Variants in F13A1 observed in about 807,000 individuals in gnomAD.
F13A1 encodes FSF, A subunit.
Under a neutral mutation model 80.1 loss-of-function variants are expected in F13A1, and 47 were observed. The ratio of observed to expected loss-of-function variants is 0.59; its 90% confidence interval spans 0.46 to 0.75. F13A1 has a LOEUF of 0.75. Ranked by LOEUF, F13A1 falls within the 30% of genes least tolerant of loss-of-function variation. The probability of loss-of-function intolerance (pLI) is 0.00; values close to 1 mark genes in which losing one functional copy is unlikely to be tolerated. For missense variants in F13A1, 817 were observed against 930.4 expected, an observed-to-expected ratio of 0.88 and a Z score of 1.59; for synonymous variants, 349 against 344.9, an observed-to-expected ratio of 1.01 and a Z score of -0.13.
At position 6,162,770 on chromosome 6, in the gene F13A1, G is replaced by A. The variant is rs1760597495; in HGVS notation, c.1908+4688C>T. Reference sequence around the variant, plus strand: ...TTACCATTGCTTTTGACTTACAGATGAGAATGCAGAAGCCAACAGAGGTGA... The same window carrying A: ...TTACCATTGCTTTTGACTTACAGATAAGAATGCAGAAGCCAACAGAGGTGA... On this transcript the variant is annotated intron_variant, in intron 13 of 14. Coordinates refer to ENST00000264870, the MANE Select transcript of F13A1 (RefSeq NM_000129.4). This position sits in a 1 kb window ranked among gnomAD's most constrained non-coding sequence, Gnocchi z 4.2. Among the ~76,000 whole-genome samples, 1 of 152,216 alleles carries A rather than the reference G, an allele frequency of 6.6e-6. No homozygotes were observed. The highest frequency in any genetic ancestry group is 1.5e-5 in the Non-Finnish European group (1 of 68,044).
intron 1 of F13A1, among the ~76,000 whole-genome samples, chr6:6,318,983 C>T (rs1033642076): frequency 6.6e-6 from 1 of 152,152 alleles, no homozygotes; most frequent in South Asian, 2.1e-4. Flanking sequence ...GACCCAGATT[C>T]CCCCACCCTC....
intron 6 of F13A1, among the ~76,000 whole-genome samples, chr6:6,246,020 C>A (rs539846487): frequency 6.6e-6 from 1 of 152,360 alleles, no homozygotes; most frequent in East Asian, 1.9e-4. Context: ...ACACACACAG[C>A]TCTGTCGCCC....
chr6:6,193,223 C>T (rs540501449), intron 10 of F13A1, among the ~76,000 whole-genome samples: 1 of 152,216 alleles, frequency 6.6e-6, no homozygotes, highest in South Asian at 2.1e-4. Context: ...CCAGGCATAC[C>T]CCTCTTCTTT....
In F13A1 at chr6:6,250,721, A is replaced by G; in HGVS notation, c.690+90T>C. On this transcript the variant is annotated intron_variant, in intron 5 of 14. Transcript: ENST00000264870. This position sits in a 1 kb window ranked among gnomAD's most constrained non-coding sequence, Gnocchi z 4.2. ...AAAAGCAGGAAATTGTGCTTGTCTA[A>G]TATCGATATATGGGATCCTGTAGGG... 3.5e-6 allele frequency: 3 copies of G among 868,748 alleles called. No homozygotes were observed. Among genetic ancestry groups the G allele is most frequent in the East Asian group, 2.4e-5 (1 of 40,922 alleles). The allele number at this position is 868,748 out of a possible 1,614,324, so 53.8% of individuals were successfully genotyped here. A position where few individuals can be genotyped will look rare whatever the true frequency, so the allele number is the denominator to read the frequency against.
chr6:6,231,110 T>A (rs1757346836), intron 6 of F13A1, among the ~76,000 whole-genome samples: 1 of 152,138 alleles, frequency 6.6e-6, no homozygotes, highest in Non-Finnish European at 1.5e-5. Flanking sequence ...TTAAGGAGGT[T>A]AGTTATTAAG....
At chr6:6,164,664 C>T (rs766702488) in intron 13 of F13A1, among the ~76,000 whole-genome samples, 1 of 148,252 alleles carries the variant, frequency 6.7e-6, no homozygotes, top group African/African-American at 2.5e-5. Flanking sequence ...CCCCCATTCT[C>T]GCTCCTTTTT....
chr6:6,242,341 A>G (rs1757494061), intron 6 of F13A1, among the ~76,000 whole-genome samples: 1 of 152,162 alleles, frequency 6.6e-6, no homozygotes, highest in Non-Finnish European at 1.5e-5. Context: ...AAGTTTAGTC[A>G]TGAGTTAGTT....
At chr6:6,223,240 G>A (rs1307406777) in intron 7 of F13A1, among the ~76,000 whole-genome samples, 4 of 152,116 alleles carry the variant, frequency 2.6e-5, no homozygotes, top group East Asian at 1.9e-4. Flanking sequence ...TTGATTTACC[G>A]CCAAAGCCTG....
intron 5 of F13A1, among the ~76,000 whole-genome samples, chr6:6,248,754 CAAG>C (rs1333579360): frequency 2.0e-5 from 3 of 152,156 alleles, no homozygotes; most frequent in Admixed American, 2.0e-4. Flanking sequence ...CTCCTGTACC[CAAG>C]AAGAAGGAAT....
chr6:6,242,503 A>T (rs1404345580), intron 6 of F13A1, among the ~76,000 whole-genome samples: 1 of 152,194 alleles, frequency 6.6e-6, no homozygotes, highest in East Asian at 1.9e-4. Flanking sequence ...ACTGAAATTT[A>T]AAAATATGTA....
intron 2 of F13A1, among the ~76,000 whole-genome samples, chr6:6,309,555 G>A (rs1758561971): frequency 6.6e-6 from 1 of 152,174 alleles, no homozygotes; most frequent in Non-Finnish European, 1.5e-5. Flanking sequence ...TGTACTAGTG[G>A]GAGCCACGGT....
chr6:6,300,779 T>G (rs529391913), intron 3 of F13A1, among the ~76,000 whole-genome samples: 4 of 152,190 alleles, frequency 2.6e-5, no homozygotes, highest in Admixed American at 2.6e-4. Context: ...CGAGATTCTT[T>G]TAAGTGCCCT....
At chr6:6,269,178 T>C (rs1218883871) in intron 3 of F13A1, among the ~76,000 whole-genome samples, 1 of 152,224 alleles carries the variant, frequency 6.6e-6, no homozygotes, top group African/African-American at 2.4e-5. Flanking sequence ...CTAACACTTC[T>C]GTGTGATCTC....
intron 10 of F13A1, among the ~76,000 whole-genome samples, chr6:6,191,252 C>T (rs978426096): frequency 2.0e-4 from 30 of 152,074 alleles, no homozygotes; most frequent in African/African-American, 5.1e-4. Context: ...CTCCTCCCTC[C>T]GAGTTACTGA....
At chr6:6,252,299 G>A (rs1195625864) in intron 4 of F13A1, among the ~76,000 whole-genome samples, 1 of 109,510 alleles carries the variant, frequency 9.1e-6, no homozygotes, top group Non-Finnish European at 1.8e-5. Context: ...TAGACATTGG[G>A]AAAATTAAAG....
intron 10 of F13A1, among the ~76,000 whole-genome samples, chr6:6,190,685 G>T (rs1405703585): frequency 1.6e-4 from 25 of 151,752 alleles, no homozygotes; most frequent in African/African-American, 6.0e-4. Context: ...TTGTTTGTCT[G>T]TGCCCTGCCC....
At chr6:6,281,067 C>T (rs1758053955) in intron 3 of F13A1, among the ~76,000 whole-genome samples, 5 of 152,126 alleles carry the variant, frequency 3.3e-5, no homozygotes, top group Admixed American at 1.3e-4. Context: ...CCCATGAAAA[C>T]GGTCATTTGG....
chr6:6,172,767 T>C (rs1001168158), intron 12 of F13A1, among the ~76,000 whole-genome samples: 2 of 152,118 alleles, frequency 1.3e-5, no homozygotes, highest in Non-Finnish European at 2.9e-5. Flanking sequence ...GATTTCTTAA[T>C]TGTTAGCTCC....
intron 4 of F13A1, among the ~76,000 whole-genome samples, chr6:6,265,812 C>T (rs956299982): frequency 6.6e-6 from 1 of 152,104 alleles, no homozygotes; most frequent in Non-Finnish European, 1.5e-5. Flanking sequence ...ACAGCGTCGA[C>T]TTTATTTTAT....
Sources: allele counts gnomAD v4.1 joint callset (sites outside exome capture counted in the v4.1 genomes callset), GRCh38; gene constraint gnomAD v4.1.1; non-coding constraint Gnocchi (gnomAD v3.1); transcripts MANE v1.5; gene names NCBI Gene and HGNC (gene_info 2026-07-23, HGNC 2026-07-21).